PACRGL: variants seen among roughly 807,000 people sequenced by gnomAD.
PACRGL encodes PACRG-like protein.
A neutral mutation model predicts 34.5 loss-of-function variants in PACRGL; 38 were observed. The ratio of observed to expected loss-of-function variants is 1.10; its 90% CI spans 0.85 to 1.44. PACRGL has a LOEUF of 1.44. Ranked by LOEUF, PACRGL falls within the 40% of genes most tolerant of loss-of-function variation. The pLI is 0.00. For missense variants in PACRGL, 305 were observed against 281.4 expected (o/e 1.08, Z -0.60); for synonymous variants, 128 against 100.1 (o/e 1.28, Z -1.66).
intron 4 of PACRGL, among the ~76,000 whole-genome samples, chr4:20,708,308 T>A (rs961774284): frequency 6.6e-6 from 1 of 151,924 alleles, no homozygotes; most frequent in African/African-American, 2.4e-5. Context: ...ATGTCAGAAC[T>A]TTAAAAAAAA....
At position 20,729,909 on chromosome 4, in the gene PACRGL, T is replaced by TTATAACTGAAAGCTCAAATC; in HGVS notation, c.*2570_*2589dup. ...GTGGCATTATGAAAAGGATGCAAAT[T>TTATAACTGAAAGCTCAAATC]TATAACTGAAAGCTCAAATCTTTTG... is the stretch of plus-strand genomic sequence containing the variant. On this transcript the variant is annotated 3_prime_UTR_variant, in exon 9 of 9. Coordinates refer to ENST00000503585, the MANE Select transcript of PACRGL (RefSeq NM_001258345.3). The TTATAACTGAAAGCTCAAATC allele has an allele frequency of 1.5e-6, 1 of 660,136 alleles. No homozygotes were observed. The highest frequency in any genetic ancestry group is 2.3e-6 in the Non-Finnish European group (1 of 433,840). 40.9% of individuals were successfully genotyped at this position (660,136 alleles called of 1,614,324 possible).
At chr4:20,712,668 A>G (rs1329389997) in intron 5 of PACRGL, 120 bp from the exon 6 acceptor site, 2 of 926,180 alleles carry the variant, frequency 2.2e-6, no homozygotes, top group Admixed American at 3.1e-5. Flanking sequence ...AATTATAATC[A>G]TGATTAGGAA....
At chr4:20,766,221 G>A in the PACRGL span, among the ~76,000 whole-genome samples, 9 of 152,180 alleles carry the variant, frequency 5.9e-5, no homozygotes, top group Admixed American at 5.2e-4. Context: ...TCCCAAATTA[G>A]AAAATAGCAG....
At chr4:20,707,594 A>G (rs925483584) in intron 3 of PACRGL, among the ~76,000 whole-genome samples, 1 of 140,882 alleles carries the variant, frequency 7.1e-6, no homozygotes, top group Non-Finnish European at 1.5e-5. Context: ...AGCCGCGTTC[A>G]AGCATCCTGA....
rs201520268 is a variant in PACRGL, at chr4:20,731,254, G to GAGAT, written c.*3920_*3923dup. The GAGAT allele has an allele frequency of 3.8e-4, 125 of 329,698 alleles. 1 individual carries two copies. In the East Asian group the frequency reaches 9.0e-3, roughly 24 times the overall value. 20.4% of individuals were successfully genotyped at this position (329,698 alleles called of 1,614,324 possible). ...CCAGCTAACTTAATTTTTTTTTGTA[G>GAGAT]AGATAGATAGGGTCTTGCTATGTTG... On this transcript the variant is annotated 3_prime_UTR_variant, in exon 9 of 9. Coordinates refer to ENST00000503585, the MANE Select transcript of PACRGL (RefSeq NM_001258345.3).
At chr4:20,742,923 TAGAC>T (rs1751499192) in intron 8 of PACRGL, among the ~76,000 whole-genome samples, 2 of 151,874 alleles carry the variant, frequency 1.3e-5, no homozygotes. Context: ...ACACCAATAA[TAGAC>T]AAACAGAGCC....
At chr4:20,749,558 T>C in intron 8 of PACRGL, 1 of 734,556 alleles carries the variant, frequency 1.4e-6, no homozygotes. Flanking sequence ...GTCCTTGGGC[T>C]TTCTTTCCCC....
At chr4:20,753,390 A>G (rs1436489154), downstream of PACRGL, among the ~76,000 whole-genome samples, 1 of 152,202 alleles carries the variant, frequency 6.6e-6, no homozygotes, top group East Asian at 1.9e-4. Context: ...TCGAGGTTAC[A>G]TACCTTGGTG....
chr4:20,758,124 T>C, the PACRGL span, among the ~76,000 whole-genome samples: 1 of 152,154 alleles, frequency 6.6e-6, no homozygotes, highest in African/African-American at 2.4e-5. Context: ...GGGACAAATA[T>C]AAGTTGGGCA....
intron 7 of PACRGL, among the ~76,000 whole-genome samples, chr4:20,717,054 TG>T (rs1215280798): frequency 6.6e-6 from 1 of 152,220 alleles, no homozygotes; most frequent in African/African-American, 2.4e-5. Context: ...TATCTCATTG[TG>T]GTTTTGATTT....
chr4:20,749,364 ATAAGGAGGTGTCAG>A (rs749634334), intron 8 of PACRGL, among the ~76,000 whole-genome samples: 1 of 152,166 alleles, frequency 6.6e-6, no homozygotes, highest in Non-Finnish European at 1.5e-5. Context: ...CAACTGGCCC[ATAAGGAGGTGTCAG>A]TAACTGTTAG....
chr4:20,725,804 C>G (rs1745394085), intron 8 of PACRGL, among the ~76,000 whole-genome samples: 1 of 151,414 alleles, frequency 6.6e-6, no homozygotes, highest in Non-Finnish European at 1.5e-5. Flanking sequence ...ATACAGTTGA[C>G]AAGAGGAAGT....
chr4:20,704,394 TTG>T, intron 1 of PACRGL, 70 bp from the exon 2 acceptor site: 1 of 1,417,944 alleles, frequency 7.1e-7, no homozygotes. Flanking sequence ...TGTTCTGGTT[TTG>T]TCTTTTTATT....
chr4:20,728,631 T>TTTTA lies in PACRGL; in HGVS notation c.*1294_*1297dup, dbSNP rs1419930387. On this transcript the variant is annotated 3_prime_UTR_variant, in exon 9 of 9. Coordinates refer to ENST00000503585, the MANE Select transcript of PACRGL (RefSeq NM_001258345.3). ...TAGAGTTATAAACATTTTATTTTGC[T>TTTTA]TTTATTTTTTCTTTTTGAAATACAA... The TTTTA allele has an allele frequency of 7.2e-5, 11 of 152,690 alleles. No homozygotes were observed. Among genetic ancestry groups the TTTTA allele is most frequent in the South Asian group, 4.1e-4 (2 of 4,828 alleles). 9.5% of individuals were successfully genotyped at this position (152,690 alleles called of 1,614,324 possible).
intron 8 of PACRGL, among the ~76,000 whole-genome samples, chr4:20,748,872 GTGTGTGTGTA>G (rs957979068): frequency 1.7e-5 from 2 of 114,794 alleles, no homozygotes; most frequent in African/African-American, 3.3e-5. Flanking sequence ...TGAATTACGT[GTGTGTGTGTA>G]TGTGTGTGTG....
In PACRGL at chr4:20,730,039, A is replaced by G. The variant is rs765980634; in HGVS notation, c.*2698A>G. 8 of 1,587,456 alleles carry G rather than the reference A, an allele frequency of 5.0e-6. No homozygotes were observed. In the Admixed American group the frequency reaches 1.1e-4, roughly 22 times the overall value. ...TAGCTCCAACTTTAAGGGTGGTAGA[A>G]TAGTTCACATTTGTCTGTTGGATTC... On this transcript the variant is annotated 3_prime_UTR_variant, in exon 9 of 9. Coordinates refer to ENST00000503585, the MANE Select transcript of PACRGL (RefSeq NM_001258345.3).
intron 7 of PACRGL, among the ~76,000 whole-genome samples, chr4:20,721,269 A>G (rs1440558503): frequency 1.3e-5 from 2 of 152,144 alleles, no homozygotes; most frequent in Non-Finnish European, 2.9e-5. Context: ...AATGGGTTCA[A>G]ACTTCCTCCT....
At chr4:20,709,417 A>G (rs1736074308) in intron 4 of PACRGL, among the ~76,000 whole-genome samples, 1 of 152,234 alleles carries the variant, frequency 6.6e-6, no homozygotes, top group South Asian at 2.1e-4. Context: ...ATCACCTGGC[A>G]TATCTGTGTT....
At position 20,724,849 on chromosome 4, in the gene PACRGL, C is replaced by A; in HGVS notation, c.651C>A (p.Ile217=). ...RLMDKKFKEP[I]TSALQKLEQH... ...TGGACAAGAAATTCAAAGAGCCAATCACCAGCGCATTACAAAAGCTAGAGC... is the reference window on the plus strand; with the variant it reads ...TGGACAAGAAATTCAAAGAGCCAATAACCAGCGCATTACAAAAGCTAGAGC... The change falls in exon 8 of 9, where the codon ATC becomes ATA. Residue 217 remains isoleucine, a synonymous_variant. Transcript: ENST00000503585. The A allele has an allele frequency of 6.7e-7, 1 of 1,501,408 alleles. No homozygotes were observed. Among genetic ancestry groups the A allele is most frequent in the Admixed American group, 2.3e-5 (1 of 43,416 alleles). The allele number at this position is 1,501,408 out of a possible 1,614,324, so 93.0% of individuals were successfully genotyped here.
Sources: gnomAD v4.1 joint callset for allele counts (sites outside exome capture counted in the v4.1 genomes callset) on GRCh38, gnomAD v4.1.1 for gene constraint, MANE v1.5 for transcripts, NCBI Gene and HGNC (gene_info 2026-07-23, HGNC 2026-07-21) for gene names.